EPS8: variants seen among roughly 807,000 people sequenced by gnomAD.
EPS8 encodes the protein epidermal growth factor receptor kinase substrate 8.
A neutral mutation model predicts 103.8 loss-of-function variants in EPS8; 42 were observed. The observed-to-expected ratio is 0.40, with a 90% CI of 0.32 to 0.52. The LOEUF (loss-of-function observed/expected upper bound fraction) is 0.52. EPS8 is among the 20% of genes least tolerant of loss of function. The pLI, the probability that EPS8 is intolerant of heterozygous loss-of-function variation, is 0.40. For synonymous variants in EPS8, 344 were observed against 344.6 expected (o/e 1.00, Z 0.02); for missense variants, 969 against 1,005.1 (o/e 0.96, Z 0.49).
At chr12:15,710,974 T>A (rs1946454799) in intron 1 of EPS8, among the ~76,000 whole-genome samples, 1 of 152,036 alleles carries the variant, frequency 6.6e-6, no homozygotes, top group Non-Finnish European at 1.5e-5. Flanking sequence ...GATCAAGCCA[T>A]CCTCCCTAAC....
rs1408604762 is a variant in EPS8, at chr12:15,733,214, TG to T, written c.-21-50243del. 2.6e-5 allele frequency among the ~76,000 whole-genome samples: 4 copies of T among 152,138 alleles called. No homozygotes were observed. Among genetic ancestry groups the T allele is most frequent in the Admixed American group, 6.5e-5 (1 of 15,274 alleles). The stretch of plus-strand genomic sequence containing the variant: ...CCACGGGCTTAACAGGAAGCATAGC[TG>T]AGAGGCCTCAGGAAACTTAGAATCA... On this transcript the variant is annotated intron_variant, in intron 1 of 20. Transcript: ENST00000281172. This position sits in a 1 kb window ranked among gnomAD's most constrained non-coding sequence, Gnocchi z 4.8.
chr12:15,718,714 A>G (rs75470874), intron 1 of EPS8, among the ~76,000 whole-genome samples: 1,664 of 152,250 alleles, frequency 0.011, 46 homozygotes, highest in African/African-American at 0.038. Flanking sequence ...AATGTATATC[A>G]AAAGAATTGT....
chr12:15,789,206 A>G lies in EPS8; in HGVS notation c.-67T>C, dbSNP rs547577148. On this transcript the variant is annotated 5_prime_UTR_variant, in exon 1 of 21. Transcript: ENST00000281172. This position sits in a 1 kb window ranked among gnomAD's most constrained non-coding sequence, Gnocchi z 6.1. ...CACGGCTTTCCCCGGAGACGCCGCG[A>G]GCCCAGACGAGGTGGGAGGGGACCG... 1 of 152,104 alleles carries G rather than the reference A, an allele frequency of 6.6e-6. No individual in the cohort carries two copies. The highest frequency in any genetic ancestry group is 2.1e-4 in the South Asian group (1 of 4,822). The allele number at this position is 152,104 out of a possible 1,614,324, so 9.4% of individuals were successfully genotyped here.
At chr12:15,743,083 T>C (rs1379593549) in intron 1 of EPS8, among the ~76,000 whole-genome samples, 1 of 152,148 alleles carries the variant, frequency 6.6e-6, no homozygotes. Context: ...ACAAAATCAA[T>C]GTGCAAAAAT....
intron 19 of EPS8, among the ~76,000 whole-genome samples, chr12:15,623,596 C>T (rs952884325): frequency 6.6e-6 from 1 of 152,152 alleles, no homozygotes; most frequent in African/African-American, 2.4e-5. Context: ...TTTCTAGTAA[C>T]CTGGCAATTG....
intron 1 of EPS8, among the ~76,000 whole-genome samples, chr12:15,788,385 A>T (rs188783737): frequency 6.6e-6 from 1 of 152,286 alleles, no homozygotes; most frequent in Non-Finnish European, 1.5e-5. Flanking sequence ...CGAGATTCCA[A>T]CAGTACTACG....
chr12:15,750,424 C>T (rs534623137), intron 1 of EPS8, among the ~76,000 whole-genome samples: 1 of 152,242 alleles, frequency 6.6e-6, no homozygotes, highest in African/African-American at 2.4e-5. Context: ...GATAAACTCC[C>T]CCCACTCAAT....
chr12:15,715,942 A>G (rs1170795096), intron 1 of EPS8, among the ~76,000 whole-genome samples: 1 of 152,134 alleles, frequency 6.6e-6, no homozygotes, highest in Admixed American at 6.5e-5. Context: ...GGATAATAAT[A>G]TTAAGTCTTG....
chr12:15,740,033 C>T lies in EPS8; in HGVS notation c.-22+49128G>A, dbSNP rs139695437. 1.6e-3 allele frequency among the ~76,000 whole-genome samples: 247 copies of T among 152,134 alleles called. 1 individual carries two copies. The highest frequency in any genetic ancestry group is 4.3e-3 in the African/African-American group (179 of 41,504). On this transcript the variant is annotated intron_variant, in intron 1 of 20. Coordinates refer to ENST00000281172, the MANE Select transcript of EPS8 (RefSeq NM_004447.6). ...TACAGAGAATACTAACCAAAAGAAG[C>T]TACTCCGAGGTGACGGCAAAGTTAA... is the stretch of plus-strand genomic sequence containing the variant.
At chr12:15,686,596 A>G (rs1185519711) in intron 1 of EPS8, among the ~76,000 whole-genome samples, 1 of 152,184 alleles carries the variant, frequency 6.6e-6, no homozygotes, top group Non-Finnish European at 1.5e-5. Context: ...AACACACTAT[A>G]ATTTTCAAAA....
Position 15,670,784 on chromosome 12 carries a change from T to C in EPS8, c.204+72A>G, listed in dbSNP as rs1179070424. 4 of 1,048,036 alleles carry C rather than the reference T, an allele frequency of 3.8e-6. No individual in the cohort carries two copies. In the Admixed American group the frequency reaches 6.3e-5, roughly 17 times the overall value. 64.9% of individuals were successfully genotyped at this position (1,048,036 alleles called of 1,614,324 possible). A position where few individuals can be genotyped will look rare whatever the true frequency, so the allele number is the denominator to read the frequency against. Reference sequence around the variant, plus strand: ...TCATAAGAATGAAATAAAACAGAATTCTGATTTAACTTCCAATTTTTATGT... The same window carrying C: ...TCATAAGAATGAAATAAAACAGAATCCTGATTTAACTTCCAATTTTTATGT... On this transcript the variant is annotated intron_variant, in intron 4 of 20. Transcript: ENST00000281172.
At chr12:15,739,471 C>T (rs1369419723) in intron 1 of EPS8, among the ~76,000 whole-genome samples, 4 of 152,104 alleles carry the variant, frequency 2.6e-5, no homozygotes, top group Non-Finnish European at 5.9e-5. Flanking sequence ...TGTGGATGGG[C>T]ACCCATCCAA....
chr12:15,739,395 A>G lies in EPS8; in HGVS notation c.-22+49766T>C, dbSNP rs189191462. Among the ~76,000 whole-genome samples, 462 of 152,190 alleles carry G rather than the reference A, an allele frequency of 3.0e-3. 2 individuals are homozygous for G. The highest frequency in any genetic ancestry group is 0.011 in the African/African-American group (443 of 41,552). On this transcript the variant is annotated intron_variant, in intron 1 of 20. Coordinates refer to ENST00000281172, the MANE Select transcript of EPS8 (RefSeq NM_004447.6). Reference sequence around the variant, plus strand: ...AACATTACTTCTGGGTGTATCTGTGACGGTGTTTCTGGGAGAGATTGGCGT... The same window carrying G: ...AACATTACTTCTGGGTGTATCTGTGGCGGTGTTTCTGGGAGAGATTGGCGT...
Position 15,784,668 on chromosome 12 carries a change from T to C in EPS8, c.-22+4493A>G, listed in dbSNP as rs1947292439. On this transcript the variant is annotated intron_variant, in intron 1 of 20. Transcript: ENST00000281172. This position sits in a 1 kb window ranked among gnomAD's most constrained non-coding sequence, Gnocchi z 4.0. ...TCCAACGGATATAAGAACTTATGTC[T>C]ACCCAAAAACCTGCATGTGAATATT... is the stretch of plus-strand genomic sequence containing the variant. Among the ~76,000 whole-genome samples the C allele has an allele frequency of 6.6e-6, 1 of 152,150 alleles. No homozygotes were observed. The highest frequency in any genetic ancestry group is 1.5e-5 in the Non-Finnish European group (1 of 67,978).
chr12:15,632,792 A>C (rs1312611060), intron 17 of EPS8, among the ~76,000 whole-genome samples: 1 of 152,112 alleles, frequency 6.6e-6, no homozygotes, highest in Non-Finnish European at 1.5e-5. Context: ...CTTTTTAATT[A>C]AACTATTACT....
chr12:15,715,631 C>T (rs572778151), intron 1 of EPS8, among the ~76,000 whole-genome samples: 27 of 148,300 alleles, frequency 1.8e-4, no homozygotes, highest in African/African-American at 7.4e-5. Context: ...GGTGATCTGC[C>T]GGCCTCCCAA....
Position 15,777,053 on chromosome 12 carries a change from G to T in EPS8, c.-22+12108C>A, listed in dbSNP as rs1262004355. 1.3e-5 allele frequency among the ~76,000 whole-genome samples: 2 copies of T among 152,178 alleles called. No homozygotes were observed. Among genetic ancestry groups the T allele is most frequent in the East Asian group, 3.9e-4 (2 of 5,184 alleles). On this transcript the variant is annotated intron_variant, in intron 1 of 20. Coordinates refer to ENST00000281172, the MANE Select transcript of EPS8 (RefSeq NM_004447.6). The surrounding 1 kb of genome is among the most constrained non-coding windows in gnomAD (Gnocchi z 4.7). ...CTTCAACTATTCTACTAACTGCCTG[G>T]CAGAGAGAAAAGATGAAAATAGCTA... is the stretch of plus-strand genomic sequence containing the variant.
At chr12:15,647,060 A>C in intron 15 of EPS8, 67 bp downstream of exon 15, 1 of 1,429,292 alleles carries the variant, frequency 7.0e-7, no homozygotes, top group Non-Finnish European at 9.5e-7. Context: ...AGACACTGTC[A>C]CCTCTGTTAG....
Position 15,624,259 on chromosome 12 carries a change from C to T in EPS8, c.2193G>A (p.Lys731=). 1 of 1,613,838 alleles carries T rather than the reference C, an allele frequency of 6.2e-7. No individual in the cohort carries two copies. The highest frequency in any genetic ancestry group is 1.1e-5 in the South Asian group (1 of 91,058). ...ITYDSTPEDV[K]TWLQSKGFNP... The stretch of plus-strand genomic sequence containing the variant: ...TGAATCCCTTTGACTGTAACCACGT[C>T]TTCACATCCTCTGGTGTGGAGTCGT... The change falls in exon 19 of 21, where the codon AAG becomes AAA. Residue 731 remains lysine, a synonymous_variant. Coordinates refer to ENST00000281172, the MANE Select transcript of EPS8 (RefSeq NM_004447.6).
Sources: gnomAD v4.1 joint callset for allele counts (sites outside exome capture counted in the v4.1 genomes callset) on GRCh38, gnomAD v4.1.1 for gene constraint, Gnocchi (gnomAD v3.1) non-coding constraint, MANE v1.5 for transcripts, NCBI Gene and HGNC (gene_info 2026-07-23, HGNC 2026-07-21) for gene names.